Variants in PPP2R5C observed in about 807,000 individuals in gnomAD.
PPP2R5C encodes the protein serine/threonine-protein phosphatase 2A 56 kDa regulatory subunit gamma isoform.
PPP2R5C carries 7 observed loss-of-function variants against 68.9 expected under a neutral mutation model. That is an observed-to-expected ratio of 0.10 (90% CI 0.06 to 0.19). The LOEUF (loss-of-function observed/expected upper bound fraction) is 0.19, where lower values mean the gene tolerates loss of function less well. PPP2R5C is among the 10% of genes least tolerant of loss of function. The probability of loss-of-function intolerance (pLI) is 1.00; values close to 1 mark genes in which losing one functional copy is unlikely to be tolerated. For synonymous variants in PPP2R5C, 210 were observed against 222.2 expected (o/e 0.95, Z 0.49); for missense variants, 348 against 641.3 (o/e 0.54, Z 4.94).
At chr14:101,925,235 G>A in exon 14 of PPP2R5C, 1 of 1,613,718 alleles carries the variant, frequency 6.2e-7, no homozygotes, top group South Asian at 1.1e-5. Context: ...GAAGCTCACT[G>A]CAGGGCCGAT....
intron 3 of PPP2R5C, among the ~76,000 whole-genome samples, chr14:101,789,097 T>C (rs2038247763): frequency 1.3e-5 from 2 of 152,360 alleles, no homozygotes; most frequent in African/African-American, 4.8e-5. Flanking sequence ...GTATTAGTCT[T>C]AATTAATTTT....
intron 1 of PPP2R5C, among the ~76,000 whole-genome samples, chr14:101,851,946 C>T (rs1349808353): frequency 2.0e-5 from 3 of 152,260 alleles, no homozygotes; most frequent in Non-Finnish European, 4.4e-5. Flanking sequence ...GCTCTCACTC[C>T]CTTCTGTAAT....
rs984092641 is a variant in PPP2R5C, at chr14:101,781,736, C to T, written c.94-4282C>T. ...GGGAGCCGGCCACCCGGGGAAGAAG[C>T]GGAGGACGCCGATCTGGCCTCCTGC... On this transcript the variant is annotated intron_variant, in intron 2 of 14. Coordinates refer to the PPP2R5C transcript ENST00000328724. The surrounding 1 kb of genome is among the most constrained non-coding windows in gnomAD (Gnocchi z 6.4). Among the ~76,000 whole-genome samples the T allele has an allele frequency of 1.3e-5, 2 of 152,046 alleles. No individual in the cohort carries two copies. Among genetic ancestry groups the T allele is most frequent in the East Asian group, 3.9e-4 (2 of 5,148 alleles).
At position 101,917,052 on chromosome 14, in the gene PPP2R5C, G is replaced by T. The variant is rs999097985; in HGVS notation, c.1327-779G>T. On this transcript the variant is annotated intron_variant, in intron 12 of 13. Transcript: ENST00000334743. The surrounding 1 kb of genome is among the most constrained non-coding windows in gnomAD (Gnocchi z 4.4). ...GCCTGTGCCCTCAGAGCCAGCAGAC[G>T]CTCGTCACAGTCATACTGTCCTGTG... Among the ~76,000 whole-genome samples, 1 of 152,108 alleles carries T rather than the reference G, an allele frequency of 6.6e-6. No individual in the cohort carries two copies. The highest frequency in any genetic ancestry group is 1.5e-5 in the Non-Finnish European group (1 of 68,018).
chr14:101,908,254 C>A (rs2046174111), intron 10 of PPP2R5C, among the ~76,000 whole-genome samples: 1 of 152,234 alleles, frequency 6.6e-6, no homozygotes, highest in Admixed American at 6.5e-5. Flanking sequence ...GGGCCAGCAG[C>A]CATGCTGATA....
At chr14:101,802,301 A>G (rs937471730) in intron 3 of PPP2R5C, among the ~76,000 whole-genome samples, 12 of 152,062 alleles carry the variant, frequency 7.9e-5, no homozygotes, top group Admixed American at 1.3e-4. Flanking sequence ...AGTACCAGCC[A>G]CTCGGGAGGC....
At chr14:101,837,239 G>A (rs2140384494) in intron 1 of PPP2R5C, among the ~76,000 whole-genome samples, 1 of 152,290 alleles carries the variant, frequency 6.6e-6, no homozygotes, top group African/African-American at 2.4e-5. Flanking sequence ...CGCCCCTTGG[G>A]TTCAAGCGAT....
intron 1 of PPP2R5C, among the ~76,000 whole-genome samples, chr14:101,842,580 C>T (rs774984236): frequency 6.6e-6 from 1 of 152,030 alleles, no homozygotes; most frequent in Non-Finnish European, 1.5e-5. Context: ...GAGTCACCAC[C>T]TGAGGGGCGC....
chr14:101,921,923 TC>T, intron 13 of PPP2R5C: 3 of 919,998 alleles, frequency 3.3e-6, no homozygotes, highest in Non-Finnish European at 3.9e-6. Context: ...CTAGCAAATA[TC>T]ATGTGAATAA....
At chr14:101,794,504 G>C (rs1445245095) in intron 3 of PPP2R5C, among the ~76,000 whole-genome samples, 5 of 152,072 alleles carry the variant, frequency 3.3e-5, no homozygotes, top group Non-Finnish European at 5.9e-5. Flanking sequence ...CAAGTAGCTG[G>C]GATTACAGGC....
intron 6 of PPP2R5C, among the ~76,000 whole-genome samples, chr14:101,892,642 G>GTA (rs555027205): frequency 1.0e-3 from 155 of 152,158 alleles, no homozygotes; most frequent in African/African-American, 3.6e-3. Context: ...ACACACATAT[G>GTA]TATATATATA....
intron 1 of PPP2R5C, among the ~76,000 whole-genome samples, chr14:101,815,193 C>T (rs1296662288): frequency 6.6e-6 from 1 of 152,142 alleles, no homozygotes; most frequent in African/African-American, 2.4e-5. Context: ...GCCTCTTGCC[C>T]AGGGCCACAG....
At chr14:101,765,247 A>G (rs2036791464) in intron 2 of PPP2R5C, 1 of 702,718 alleles carries the variant, frequency 1.4e-6, no homozygotes. Flanking sequence ...TAAGGATACC[A>G]GAGGCAACCT....
At chr14:101,919,706 G>A (rs1159837753) in intron 13 of PPP2R5C, among the ~76,000 whole-genome samples, 4 of 152,118 alleles carry the variant, frequency 2.6e-5, no homozygotes, top group African/African-American at 7.2e-5. Context: ...GGTGGCTCAC[G>A]CCTGTAATCC....
intron 12 of PPP2R5C, chr14:101,914,305 G>A (rs1044734604): frequency 9.8e-6 from 4 of 408,726 alleles, no homozygotes; most frequent in African/African-American, 2.1e-5. Flanking sequence ...TGCTCTAGTC[G>A]CATGGCACAT....
At chr14:101,848,103 T>G (rs1054071881) in intron 1 of PPP2R5C, among the ~76,000 whole-genome samples, 1 of 152,248 alleles carries the variant, frequency 6.6e-6, no homozygotes, top group African/African-American at 2.4e-5. Context: ...ATCTTTCTTT[T>G]AAGAGAGAAT....
chr14:101,836,425 A>G, intron 1 of PPP2R5C: 2 of 700,480 alleles, frequency 2.9e-6, no homozygotes, highest in African/African-American at 1.7e-5. Flanking sequence ...CTAGAATCAC[A>G]CACACTGTCG....
chr14:101,779,832 T>C (rs2037590487), intron 2 of PPP2R5C, among the ~76,000 whole-genome samples: 1 of 152,188 alleles, frequency 6.6e-6, no homozygotes, highest in Non-Finnish European at 1.5e-5. Flanking sequence ...CCACCAACAC[T>C]GAAAATACGA....
rs150518672 is a variant in PPP2R5C, at chr14:101,898,964, A to G, written c.853-2755A>G. Reference sequence around the variant, plus strand: ...CTAAGGACACCTGGTGTCCACGTCCATCTCCCAGGCCTGCACCAAAGGGAC... The same window carrying G: ...CTAAGGACACCTGGTGTCCACGTCCGTCTCCCAGGCCTGCACCAAAGGGAC... On this transcript the variant is annotated intron_variant, in intron 8 of 13. Transcript: ENST00000334743. Among the ~76,000 whole-genome samples, 139 of 152,316 alleles carry G rather than the reference A, an allele frequency of 9.1e-4. 1 individual carries two copies. Among genetic ancestry groups the G allele is most frequent in the Middle Eastern group, 3.4e-3 (1 of 294 alleles).
Sources: allele counts gnomAD v4.1 joint callset (sites outside exome capture counted in the v4.1 genomes callset), GRCh38; gene constraint gnomAD v4.1.1; non-coding constraint Gnocchi (gnomAD v3.1); transcripts MANE v1.5; gene names NCBI Gene and HGNC (gene_info 2026-07-23, HGNC 2026-07-21).